Variants in PCSK5 observed in about 807,000 individuals in gnomAD.
The protein encoded by PCSK5 is proprotein convertase subtilisin/kexin type 5, also known as prohormone convertase 5.
A neutral mutation model predicts 233.2 loss-of-function variants in PCSK5; 129 were observed. The ratio of observed to expected loss-of-function variants is 0.55; its 90% confidence interval spans 0.48 to 0.64. The LOEUF is 0.64. Among genes scored for constraint, PCSK5 ranks in the 30% least tolerant of loss-of-function variants. PCSK5 has a pLI of 0.00. For missense variants in PCSK5, 2,076 were observed against 2,430.1 expected (o/e 0.85, Z 3.06); for synonymous variants, 825 against 879.2 (o/e 0.94, Z 1.09).
rs575057545 is a variant in PCSK5 at position 76,018,152 on chromosome 9, C to T, written c.412-5586C>T. On this transcript the variant is annotated intron_variant, in intron 3 of 37. Transcript: ENST00000674117. ...TTAATCAGAAATGGAGCAGGACTAA[C>T]CATAGTGGGCTATTTCCAGTGGTAC... 4.6e-5 allele frequency among the ~76,000 whole-genome samples: 7 copies of T among 151,550 alleles called. No homozygotes were observed. The South Asian group carries it at 1.2e-3, about 27-fold the overall frequency.
At chr9:76,200,649 T>TA (rs766658566) in intron 20 of PCSK5, among the ~76,000 whole-genome samples, 52 of 152,112 alleles carry the variant, frequency 3.4e-4, no homozygotes, top group Non-Finnish European at 6.8e-4. Context: ...AGCAAGAAAT[T>TA]AAAAATCAAA....
At chr9:76,175,271 G>GAATCGAATC (rs1823542568) in intron 14 of PCSK5, 142 bp downstream of exon 14, 34 of 517,214 alleles carry the variant, frequency 6.6e-5, no homozygotes, top group African/African-American at 6.4e-4. Context: ...GGAATGGAAT[G>GAATCGAATC]GAATCGAATC....
At chr9:75,992,595 A>G (rs1826816554) in intron 3 of PCSK5, among the ~76,000 whole-genome samples, 1 of 152,140 alleles carries the variant, frequency 6.6e-6, no homozygotes, top group Admixed American at 6.5e-5. Flanking sequence ...ACACATACAC[A>G]CACATACACA....
At chr9:75,952,522 C>T (rs1009542257) in intron 2 of PCSK5, among the ~76,000 whole-genome samples, 3 of 152,092 alleles carry the variant, frequency 2.0e-5, no homozygotes, top group African/African-American at 7.2e-5. Context: ...TGAATTTTGA[C>T]AAATGTATAT....
chr9:76,183,657 G>A (rs1220574149), intron 16 of PCSK5, among the ~76,000 whole-genome samples: 1 of 152,198 alleles, frequency 6.6e-6, no homozygotes, highest in Admixed American at 6.5e-5. Context: ...ACCGTATGAT[G>A]ACTACTGTTA....
intron 3 of PCSK5, among the ~76,000 whole-genome samples, chr9:75,994,665 A>G (rs918391122): frequency 1.3e-5 from 2 of 150,222 alleles, no homozygotes; most frequent in Admixed American, 6.6e-5. Context: ...CTTGCGATCC[A>G]CCCGCCTCGG....
chr9:75,951,952 G>A (rs1392353368), intron 2 of PCSK5, among the ~76,000 whole-genome samples: 3 of 151,788 alleles, frequency 2.0e-5, no homozygotes, highest in East Asian at 1.9e-4. Context: ...TAGAACTGAT[G>A]TCCCCACCAA....
chr9:76,353,440 G>T (rs1370334462), intron 36 of PCSK5, among the ~76,000 whole-genome samples: 1 of 152,174 alleles, frequency 6.6e-6, no homozygotes, highest in East Asian at 1.9e-4. Flanking sequence ...TAAATGCTGG[G>T]TCAAAGAAAA....
At position 76,338,188 on chromosome 9, in the gene PCSK5, G is replaced by T. The variant is rs962376691; in HGVS notation, c.4749-42G>T. The T allele has an allele frequency of 4.8e-6, 7 of 1,444,730 alleles. No homozygotes were observed. The South Asian group carries it at 8.4e-5, about 17-fold the overall frequency. The allele number at this position is 1,444,730 out of a possible 1,614,324, so 89.5% of individuals were successfully genotyped here. On this transcript the variant is annotated intron_variant, in intron 34 of 37. Coordinates refer to ENST00000674117, the MANE Select transcript of PCSK5 (RefSeq NM_001372043.1). ...TTTTTCCACTGCATCCAATTTAGGAGCAAAGCTTACTATTCCATCTTTTCT... is the reference window on the plus strand; with the variant it reads ...TTTTTCCACTGCATCCAATTTAGGATCAAAGCTTACTATTCCATCTTTTCT...
chr9:76,054,619 C>CA (rs1829755840), intron 5 of PCSK5, among the ~76,000 whole-genome samples: 1 of 152,196 alleles, frequency 6.6e-6, no homozygotes, highest in African/African-American at 2.4e-5. Context: ...ACCAGTCTTA[C>CA]AAATACCTGA....
chr9:76,040,325 GTCTCTCTCTCTCTCTC>G lies in PCSK5; in HGVS notation c.632+13332_632+13347del, dbSNP rs757550088. ...TCTCACTCCCTTAGATGTGTTCTCTGTCTCTCTCTCTCTCTCTCTCTCTCTCTCTCTCTCTCTCTCT... is the reference window on the plus strand; with the variant it reads ...TCTCACTCCCTTAGATGTGTTCTCTGTCTCTCTCTCTCTCTCTCTCTCTCT... On this transcript the variant is annotated intron_variant, in intron 5 of 37. Transcript: ENST00000674117. Among the ~76,000 whole-genome samples, 545 of 79,032 alleles carry G rather than the reference GTCTCTCTCTCTCTCTC, an allele frequency of 6.9e-3. 2 individuals carry two copies. The highest frequency in any genetic ancestry group is 0.032 in the Middle Eastern group (3 of 94). 51.8% of individuals were successfully genotyped at this position (79,032 alleles called of 152,430 possible).
At chr9:76,330,920 G>A (rs926999291) in intron 33 of PCSK5, among the ~76,000 whole-genome samples, 21 of 151,944 alleles carry the variant, frequency 1.4e-4, no homozygotes, top group African/African-American at 4.8e-4. Context: ...TTCTACTTAC[G>A]TCCAATCTAG....
intron 4 of PCSK5, 117 bp downstream of exon 4, chr9:76,023,998 G>A (rs1220471869): frequency 1.8e-5 from 14 of 793,104 alleles, no homozygotes; most frequent in Non-Finnish European, 2.1e-5. Flanking sequence ...ATAGGGTATT[G>A]TGTTTTGCTT....
chr9:76,322,613 T>C (rs1829240059), intron 31 of PCSK5, among the ~76,000 whole-genome samples: 2 of 152,244 alleles, frequency 1.3e-5, no homozygotes, highest in African/African-American at 4.8e-5. Flanking sequence ...CCTGTATTCA[T>C]TGTTGTACCT....
chr9:75,901,324 A>G (rs1826023289), intron 1 of PCSK5, among the ~76,000 whole-genome samples: 1 of 152,156 alleles, frequency 6.6e-6, no homozygotes, highest in Non-Finnish European at 1.5e-5. Flanking sequence ...CTTTGCAGGG[A>G]TATGGATGAA....
chr9:75,929,880 T>A (rs1239180062), intron 1 of PCSK5, among the ~76,000 whole-genome samples: 13 of 147,860 alleles, frequency 8.8e-5, no homozygotes, highest in Non-Finnish European at 1.3e-4. Context: ...TTTTTTTTTT[T>A]AAGACAGAGT....
rs748182998 is a variant in PCSK5 at position 76,302,189 on chromosome 9, A to G, written c.3576A>G (p.Arg1192=). The G allele has an allele frequency of 7.4e-7, 1 of 1,356,698 alleles. No individual in the cohort carries two copies. Among genetic ancestry groups the G allele is most frequent in the Non-Finnish European group, 9.8e-7 (1 of 1,017,480 alleles). The allele number at this position is 1,356,698 out of a possible 1,614,324, so 84.0% of individuals were successfully genotyped here. Residue 1192 remains arginine, a synonymous_variant, in exon 28 of 38, where the codon CGA becomes CGG. Transcript: ENST00000674117. The part of the protein sequence containing the change: ...LSVVKSLLQE[R]RRWKVQIKRD... Reference sequence around the variant, plus strand: ...TGGTGAAGAGCCTGCTGCAGGAGCGACGAAGGTGGAAAGTTCAAATCAAAA... The same window carrying G: ...TGGTGAAGAGCCTGCTGCAGGAGCGGCGAAGGTGGAAAGTTCAAATCAAAA...
chr9:75,956,996 A>T (rs951687549), intron 2 of PCSK5, among the ~76,000 whole-genome samples: 9 of 152,038 alleles, frequency 5.9e-5, no homozygotes, highest in Admixed American at 5.2e-4. Context: ...TACGAATAAC[A>T]TTTTTTTAGG....
At chr9:76,017,425 G>A (rs1827995553) in intron 3 of PCSK5, among the ~76,000 whole-genome samples, 1 of 152,142 alleles carries the variant, frequency 6.6e-6, no homozygotes, top group South Asian at 2.1e-4. Context: ...GCCATCAACA[G>A]TAGCATGATC....
Sources: allele counts gnomAD v4.1 joint callset (sites outside exome capture counted in the v4.1 genomes callset), GRCh38; gene constraint gnomAD v4.1.1; transcripts MANE v1.5; gene names NCBI Gene and HGNC (gene_info 2026-07-23, HGNC 2026-07-21).